The following MASP2 variants were observed in gnomAD, a reference collection of about 807,000 sequenced individuals.
MASP2 encodes the protein MBL associated serine protease 2.
In MASP2, 49 loss-of-function variants were observed where a neutral mutation model predicts 57.1. The observed-to-expected ratio is 0.86, with a 90% CI of 0.68 to 1.09. MASP2 has a LOEUF of 1.09. Among genes scored for constraint, MASP2 ranks in the 50% least tolerant of loss-of-function variants. The pLI is 0.00. For synonymous variants in MASP2, 379 were observed against 340.8 expected, an observed-to-expected ratio of 1.11 and a Z score of -1.24; for missense variants, 900 against 874.8, an observed-to-expected ratio of 1.03 and a Z score of -0.36.
rs757596050 is a variant in MASP2, at chr1:11,027,610, A to G, written c.1336T>C (p.Tyr446His). The G allele has an allele frequency of 6.2e-7, 1 of 1,614,012 alleles. No individual in the cohort carries two copies. Among genetic ancestry groups the G allele is most frequent in the Non-Finnish European group, 8.5e-7 (1 of 1,179,904 alleles). ...LSARTTGGRI[Y>H]GGQKAKPGDF... Reference sequence around the variant, plus strand: ...CCAGGTTTTGCCTTTTGCCCTCCATATATACGCCCTCCTGTTGTGCGGGCT... The same window carrying G: ...CCAGGTTTTGCCTTTTGCCCTCCATGTATACGCCCTCCTGTTGTGCGGGCT... Residue 446 changes from tyrosine to histidine, a missense_variant, in exon 11 of 11, where the codon TAT becomes CAT. By Grantham distance (83) the Tyr-to-His change is moderately conservative (BLOSUM62 2). Coordinates refer to ENST00000400897, the MANE Select transcript of MASP2 (RefSeq NM_006610.4).
chr1:11,029,359 C>T (rs559975450), intron 10 of MASP2, among the ~76,000 whole-genome samples: 5 of 150,814 alleles, frequency 3.3e-5, no homozygotes, highest in Admixed American at 2.0e-4. Flanking sequence ...CGAGATTGCG[C>T]CACTGCACTC....
chr1:11,043,954 A>T (rs1030678674), intron 4 of MASP2, among the ~76,000 whole-genome samples: 1 of 151,894 alleles, frequency 6.6e-6, no homozygotes, highest in Non-Finnish European at 1.5e-5. Context: ...AGGAGGAAGA[A>T]GGGACACTCT....
intron 6 of MASP2, among the ~76,000 whole-genome samples, chr1:11,041,515 T>C (rs1003992437): frequency 3.2e-5 from 4 of 124,350 alleles, no homozygotes; most frequent in African/African-American, 9.6e-5. Context: ...TAGAAGGATG[T>C]GTAGATAGAC....
Position 11,046,600 on chromosome 1 carries a change from T to C in MASP2, c.368A>G (p.Asn123Ser), listed in dbSNP as rs1333969369. Residue 123 changes from asparagine (N) to serine (S), a missense_variant, in exon 3 of 11, where the codon AAC becomes AGC. Transcript: ENST00000400897. The part of the protein sequence containing the change: ...LDITFRSDYS[N>S]EKPFTGFEAF... ...CTCGAACCCCGTGAACGGCTTCTCGTTGGAGTAGTCGGAGCGGAAGGTAAT... is the reference window on the plus strand; with the variant it reads ...CTCGAACCCCGTGAACGGCTTCTCGCTGGAGTAGTCGGAGCGGAAGGTAAT... The C allele has an allele frequency of 6.2e-7, 1 of 1,613,684 alleles. No individual in the cohort carries two copies. The highest frequency in any genetic ancestry group is 8.5e-7 in the Non-Finnish European group (1 of 1,180,020).
chr1:11,040,807 T>C (rs114306273), intron 6 of MASP2, among the ~76,000 whole-genome samples: 3,424 of 145,902 alleles, frequency 0.023, 133 homozygotes, highest in African/African-American at 0.081. Flanking sequence ...GATAGAAAGA[T>C]GGGTAGGTAG....
chr1:11,037,262 T>C (rs1273701177), intron 7 of MASP2, among the ~76,000 whole-genome samples: 1 of 150,938 alleles, frequency 6.6e-6, no homozygotes, highest in Non-Finnish European at 1.5e-5. Flanking sequence ...CTAATTTTTG[T>C]ATTTTTAGTG....
chr1:11,044,956 G>A (rs1638580786), intron 4 of MASP2: 2 of 1,610,302 alleles, frequency 1.2e-6, no homozygotes, highest in South Asian at 1.1e-5. Context: ...GCTCTGCTCT[G>A]GAAGAGAGAT....
intron 6 of MASP2, among the ~76,000 whole-genome samples, chr1:11,040,398 G>A (rs895662291): frequency 1.3e-5 from 2 of 151,456 alleles, no homozygotes; most frequent in Non-Finnish European, 2.9e-5. Flanking sequence ...GTTCCAGGAG[G>A]CAGAGGTTGC....
At chr1:11,040,534 T>C (rs1638393903) in intron 6 of MASP2, among the ~76,000 whole-genome samples, 1 of 142,294 alleles carries the variant, frequency 7.0e-6, no homozygotes, top group African/African-American at 2.7e-5. Context: ...AATGGGTAGA[T>C]GGATGAATGG....
Position 11,029,957 on chromosome 1 carries a change from A to G in MASP2, c.1297+219T>C, listed in dbSNP as rs79393073. On this transcript the variant is annotated intron_variant, in intron 10 of 10. Transcript: ENST00000400897. ...TAATTTTTTATGCTTGCCTAGTTAT[A>G]AGGTCAAAGAGAATCAAATGACTGA... is the stretch of plus-strand genomic sequence containing the variant. 3,525 of 417,402 alleles carry G rather than the reference A, an allele frequency of 8.4e-3. 110 individuals carry two copies. The highest frequency in any genetic ancestry group is 0.067 in the African/African-American group (3,228 of 47,948). 25.9% of individuals were successfully genotyped at this position (417,402 alleles called of 1,614,324 possible). A position where few individuals can be genotyped will look rare whatever the true frequency, so the allele number is the denominator to read the frequency against.
intron 6 of MASP2, among the ~76,000 whole-genome samples, chr1:11,041,352 ATAGG>A (rs376582327): frequency 0.023 from 3,292 of 143,260 alleles, 134 homozygotes; most frequent in African/African-American, 0.079. Context: ...GGATGGATAG[ATAGG>A]TGTCTGGAAG....
At chr1:11,044,132 G>A (rs1300717234) in intron 4 of MASP2, among the ~76,000 whole-genome samples, 1 of 152,188 alleles carries the variant, frequency 6.6e-6, no homozygotes, top group Non-Finnish European at 1.5e-5. Context: ...CTGGGTTCCT[G>A]GAGGAACCAT....
At position 11,026,805 on chromosome 1, in the gene MASP2, A is replaced by T. The variant is rs1046155060; in HGVS notation, c.*80T>A. On this transcript the variant is annotated 3_prime_UTR_variant, in exon 11 of 11. Coordinates refer to ENST00000400897, the MANE Select transcript of MASP2 (RefSeq NM_006610.4). ...ACTGCCATGTCCACAGTAATGATGAATGCTTCTCGAGCCACGTCGCTGCCA... is the reference window on the plus strand; with the variant it reads ...ACTGCCATGTCCACAGTAATGATGATTGCTTCTCGAGCCACGTCGCTGCCA... 24 of 1,249,904 alleles carry T rather than the reference A, an allele frequency of 1.9e-5. No homozygotes were observed. The Admixed American group carries it at 6.7e-4, about 35-fold the overall frequency. 77.4% of individuals were successfully genotyped at this position (1,249,904 alleles called of 1,614,324 possible). A position where few individuals can be genotyped will look rare whatever the true frequency, so the allele number is the denominator to read the frequency against.
chr1:11,036,396 C>G (rs7553657), intron 7 of MASP2, among the ~76,000 whole-genome samples: 14,241 of 148,726 alleles, frequency 0.096, 2,159 homozygotes, highest in African/African-American at 0.33. Context: ...CCCAGCTACT[C>G]GGGAGGCTGA....
At chr1:11,036,427 C>T (rs1398622427) in intron 7 of MASP2, among the ~76,000 whole-genome samples, 2 of 146,226 alleles carry the variant, frequency 1.4e-5, no homozygotes, top group African/African-American at 5.1e-5. Context: ...TGGCGTGAAC[C>T]CGGGAAGCGG....
In MASP2 at chr1:11,027,084, AAGCCAGC is replaced by A. The variant is rs1279035241; in HGVS notation, c.1855_1861del (p.Ala619Ter). On this transcript the variant is annotated frameshift_variant, in exon 11 of 11. Transcript: ENST00000400897. LOFTEE classifies it high-confidence loss of function. ...GCAGCTGTCCTTGCCCCCACTTTCT[AAGCCAGC>A]ACAAAGCATGTTAGCAGTTACACTT... 6.3e-7 allele frequency: 1 copy of A among 1,598,434 alleles called. No individual in the cohort carries two copies. Among genetic ancestry groups the A allele is most frequent in the African/African-American group, 1.3e-5 (1 of 74,548 alleles).
rs757211226 is a variant in MASP2 at position 11,027,364 on chromosome 1, C to T, written c.1582G>A (p.Gly528Ser). The T allele has an allele frequency of 6.8e-6, 11 of 1,614,140 alleles. No homozygotes were observed. In the South Asian group the frequency reaches 1.1e-4, roughly 16 times the overall value. The change falls in exon 11 of 11, where the codon GGC (glycine) becomes AGC (serine). Residue 528 changes from glycine to serine, a missense_variant. By Grantham distance (56) the Gly-to-Ser change is moderately conservative. Transcript: ENST00000400897. Reference protein sequence around the residue: ...FIHEGYTHDAGFDNDIALIKL... With the variant: ...FIHEGYTHDASFDNDIALIKL... ...ATCAGTGCTATGTCATTGTCAAAGC[C>T]AGCATCATGAGTATAACCTTCATGT...
At chr1:11,043,801 T>C (rs1466051235) in intron 4 of MASP2, among the ~76,000 whole-genome samples, 1 of 151,924 alleles carries the variant, frequency 6.6e-6, no homozygotes, top group Admixed American at 6.6e-5. Context: ...GCACTCGGGA[T>C]GGAGCGCACA....
chr1:11,046,126 C>T (rs913561258), intron 3 of MASP2: 5 of 286,330 alleles, frequency 1.7e-5, no homozygotes, highest in African/African-American at 1.1e-4. Context: ...AATTCTCCTG[C>T]CTCAGCCTCC....
Sources: gnomAD v4.1 joint callset for allele counts (sites outside exome capture counted in the v4.1 genomes callset) on GRCh38, gnomAD v4.1.1 for gene constraint, MANE v1.5 for transcripts, NCBI Gene and HGNC (gene_info 2026-07-23, HGNC 2026-07-21) for gene names.